Variants in SLC67A1 observed in about 807,000 individuals in gnomAD.
SLC67A1 encodes the protein solute carrier family 67 member A1.
chr11:2,910,381 A>G, the SLC67A1 span, among the ~76,000 whole-genome samples: 1 of 152,218 alleles, frequency 6.6e-6, no homozygotes, highest in Non-Finnish European at 1.5e-5. Flanking sequence ...ACATGGAGCA[A>G]AAAGTCACAA....
At chr11:2,904,997 G>A in the SLC67A1 span, among the ~76,000 whole-genome samples, 247 of 152,342 alleles carry the variant, frequency 1.6e-3, 1 homozygote, top group Middle Eastern at 0.01. Flanking sequence ...GTGAGAGAAA[G>A]CAGGGCTCAG....
the SLC67A1 span, among the ~76,000 whole-genome samples, chr11:2,899,995 G>A: frequency 6.6e-6 from 1 of 152,200 alleles, no homozygotes; most frequent in African/African-American, 2.4e-5. Flanking sequence ...CATTGAGTAA[G>A]GGTTCATGTG....
the SLC67A1 span, chr11:2,909,329 C>T: frequency 1.3e-6 from 2 of 1,530,934 alleles, no homozygotes; most frequent in Non-Finnish European, 1.7e-6. Context: ...CTCGCGCCTG[C>T]CCGGAGCGCT....
chr11:2,917,859 G>A, the SLC67A1 span: 1 of 667,404 alleles, frequency 1.5e-6, no homozygotes, highest in Non-Finnish European at 2.5e-6. Context: ...GAGCGGTGCT[G>A]AAGCCAAGGA....
chr11:2,913,557 G>A, the SLC67A1 span, among the ~76,000 whole-genome samples: 122 of 152,294 alleles, frequency 8.0e-4, no homozygotes, highest in Non-Finnish European at 1.4e-3. Flanking sequence ...CGGCAGCTGC[G>A]TTAGGAGTGG....
the SLC67A1 span, among the ~76,000 whole-genome samples, chr11:2,906,733 G>A: frequency 6.6e-6 from 1 of 151,080 alleles, no homozygotes; most frequent in Non-Finnish European, 1.5e-5. Flanking sequence ...GGGGAGGGGA[G>A]AGGGATAGCA....
the SLC67A1 span, among the ~76,000 whole-genome samples, chr11:2,907,715 CA>C: frequency 6.6e-6 from 1 of 152,118 alleles, no homozygotes; most frequent in African/African-American, 2.4e-5. This position sits in a 1 kb window ranked among gnomAD's most constrained non-coding sequence, Gnocchi z 6.7. Context: ...GGGACCAAAT[CA>C]CAGAGAATTA....
the SLC67A1 span, chr11:2,909,741 GGGT>G: frequency 1.4e-6 from 2 of 1,434,974 alleles, no homozygotes; most frequent in Non-Finnish European, 1.8e-6. Context: ...CGGAGTCTGT[GGGT>G]CAGGACGCCC....
At chr11:2,900,218 G>A in the SLC67A1 span, among the ~76,000 whole-genome samples, 6 of 152,168 alleles carry the variant, frequency 3.9e-5, no homozygotes, top group Non-Finnish European at 8.8e-5. Flanking sequence ...CTGGGGACAC[G>A]CACTCCAGAT....
At chr11:2,916,705 A>G in the SLC67A1 span, 1 of 1,613,170 alleles carries the variant, frequency 6.2e-7, no homozygotes, top group Non-Finnish European at 8.5e-7. Context: ...GCCAGCACCA[A>G]AGGGGCCAAA....
the SLC67A1 span, chr11:2,899,725 A>G: frequency 2.2e-5 from 31 of 1,413,842 alleles, no homozygotes; most frequent in African/African-American, 8.8e-5. Flanking sequence ...GTTCATGACA[A>G]AAAAAAAGGT....
chr11:2,914,913 A>C, the SLC67A1 span: 1 of 985,366 alleles, frequency 1.0e-6, no homozygotes, highest in Non-Finnish European at 1.2e-6. Context: ...TGCTGGCTGG[A>C]GGGACAAGCT....
the SLC67A1 span, chr11:2,903,399 C>T: frequency 2.2e-5 from 35 of 1,613,058 alleles, no homozygotes; most frequent in African/African-American, 3.5e-4. Context: ...GCAGGATGAG[C>T]GCTCTAGGCC....
chr11:2,914,249 TA>T, the SLC67A1 span, among the ~76,000 whole-genome samples: 2 of 152,114 alleles, frequency 1.3e-5, no homozygotes. Context: ...GCTCCACTGA[TA>T]AAAGTGTTGG....
At chr11:2,903,615 G>A in the SLC67A1 span, 1 of 1,034,790 alleles carries the variant, frequency 9.7e-7, no homozygotes, top group South Asian at 1.5e-5. Context: ...CCTCCCAGTT[G>A]GGACTCATGC....
chr11:2,916,924 A>T, the SLC67A1 span: 1 of 587,788 alleles, frequency 1.7e-6, no homozygotes, highest in Non-Finnish European at 3.1e-6. Context: ...AGGTGTGGTC[A>T]TGAAGAGGTG....
the SLC67A1 span, chr11:2,920,499 A>G: frequency 6.6e-6 from 1 of 152,352 alleles, no homozygotes; most frequent in African/African-American, 2.4e-5. Context: ...TGGGCCTGCC[A>G]TGGCTGCAGT....
the SLC67A1 span, among the ~76,000 whole-genome samples, chr11:2,911,213 G>A: frequency 6.6e-6 from 1 of 152,188 alleles, no homozygotes; most frequent in Non-Finnish European, 1.5e-5. Flanking sequence ...GGAGAAAAGA[G>A]AGGGGGTCGG....
At chr11:2,903,990 G>C in the SLC67A1 span, among the ~76,000 whole-genome samples, 1 of 152,238 alleles carries the variant, frequency 6.6e-6, no homozygotes, top group East Asian at 1.9e-4. Context: ...TCTTGCAAGA[G>C]ATAGAATGCT....
Sources: gnomAD v4.1 joint callset for allele counts (sites outside exome capture counted in the v4.1 genomes callset) on GRCh38, gnomAD v4.1.1 for gene constraint, Gnocchi (gnomAD v3.1) non-coding constraint, MANE v1.5 for transcripts, NCBI Gene and HGNC (gene_info 2026-07-23, HGNC 2026-07-21) for gene names.